Variants in PLEKHH2 observed in about 807,000 individuals in gnomAD.
PLEKHH2 encodes pleckstrin homology domain-containing family H member 2.
Under a neutral mutation model 187.9 loss-of-function variants are expected in PLEKHH2, and 129 were observed. The ratio of observed to expected loss-of-function variants is 0.69; its 90% CI spans 0.59 to 0.79. PLEKHH2 has a LOEUF of 0.79. PLEKHH2 is among the 30% of genes least tolerant of loss of function. The pLI is 0.00. For synonymous variants in PLEKHH2, 686 were observed against 605.6 expected, an observed-to-expected ratio of 1.13 and a Z score of -1.95; for missense variants, 2,076 against 1,751.2, an observed-to-expected ratio of 1.19 and a Z score of -3.31.
chr2:43,656,005 C>A (rs1461346728), intron 2 of PLEKHH2, among the ~76,000 whole-genome samples: 1 of 151,058 alleles, frequency 6.6e-6, no homozygotes, highest in Non-Finnish European at 1.5e-5. Context: ...ATTGCCCAGG[C>A]TGGAGTGCAG....
chr2:43,648,957 T>C lies in PLEKHH2; in HGVS notation c.123+4161T>C, dbSNP rs140450948. Among the ~76,000 whole-genome samples, 1,288 of 152,328 alleles carry C rather than the reference T, an allele frequency of 8.5e-3. 26 individuals are homozygous for C. The highest frequency in any genetic ancestry group is 0.029 in the African/African-American group (1,194 of 41,558). On this transcript the variant is annotated intron_variant, in intron 2 of 29. Coordinates refer to ENST00000282406, the MANE Select transcript of PLEKHH2 (RefSeq NM_172069.4). ...AAATATGTGAGATGATCTAGGTGTT[T>C]TTATAATTAGAGATGAATTTCAATT...
intron 20 of PLEKHH2, 152 bp from the exon 21 acceptor site, chr2:43,740,794 C>G: frequency 7.7e-7 from 1 of 1,296,094 alleles, no homozygotes; most frequent in Non-Finnish European, 9.8e-7. Context: ...TGTTTTTAAC[C>G]TATGATAAAT....
At chr2:43,684,459 G>A (rs992034785) in intron 3 of PLEKHH2, among the ~76,000 whole-genome samples, 2 of 152,010 alleles carry the variant, frequency 1.3e-5, no homozygotes, top group Non-Finnish European at 2.9e-5. Flanking sequence ...CATAATATGT[G>A]GCAAATTTGT....
At chr2:43,717,723 C>G (rs374346084) in intron 15 of PLEKHH2, among the ~76,000 whole-genome samples, 2 of 152,298 alleles carry the variant, frequency 1.3e-5, no homozygotes, top group South Asian at 4.1e-4. Context: ...GGCTCTGCCA[C>G]TTACCACCTG....
chr2:43,655,468 G>C (rs9309104), intron 2 of PLEKHH2, among the ~76,000 whole-genome samples: 85,479 of 151,996 alleles, frequency 0.56, 24,551 homozygotes, highest in Middle Eastern at 0.67. Flanking sequence ...TTCTGGAACA[G>C]AAACCAGCAC....
chr2:43,745,949 G>C lies in PLEKHH2; in HGVS notation c.3639G>C (p.Leu1213=), dbSNP rs1671761029. Residue 1213 remains leucine (L), a synonymous_variant, in exon 24 of 30, where the codon CTG becomes CTC. Transcript: ENST00000282406. ...GTGAAGGTACAAGGACTGTTCGTCT[G>C]ACATACAAAAACAGGTGTGTAATAC... is the stretch of plus-strand genomic sequence containing the variant. ...GKCEGTRTVR[L]TYKNRLYFSV... 2 of 1,608,382 alleles carry C rather than the reference G, an allele frequency of 1.2e-6. No homozygotes were observed. The highest frequency in any genetic ancestry group is 1.7e-6 in the Non-Finnish European group (2 of 1,176,246).
chr2:43,693,610 G>A (rs1305736144), intron 4 of PLEKHH2, among the ~76,000 whole-genome samples: 1 of 151,788 alleles, frequency 6.6e-6, no homozygotes, highest in African/African-American at 2.4e-5. Flanking sequence ...TGTAGTCCCA[G>A]CTACTTGGGA....
intron 2 of PLEKHH2, among the ~76,000 whole-genome samples, chr2:43,672,172 T>C (rs556021302): frequency 2.6e-5 from 4 of 152,338 alleles, no homozygotes; most frequent in African/African-American, 7.2e-5. Context: ...GGGCATGAAG[T>C]ATTTCATAAT....
At chr2:43,762,425 A>G (rs777862781) in intron 28 of PLEKHH2, 35 bp downstream of exon 28, 12 of 1,475,602 alleles carry the variant, frequency 8.1e-6, no homozygotes, top group African/African-American at 2.8e-5. Context: ...CATTAAGTCA[A>G]CTGTTTCCAT....
At position 43,683,647 on chromosome 2, in the gene PLEKHH2, C is replaced by T. The variant is rs555322984; in HGVS notation, c.186+4722C>T. Among the ~76,000 whole-genome samples, 25 of 152,162 alleles carry T rather than the reference C, an allele frequency of 1.6e-4. No homozygotes were observed. In the South Asian group the frequency reaches 5.2e-3, roughly 32 times the overall value. On this transcript the variant is annotated intron_variant, in intron 3 of 29. Transcript: ENST00000282406. ...TACCTATGATGTGATTTAACAAGCT[C>T]CTCTTCCCCTATATTTCCTGTAAAA...
chr2:43,699,255 A>G (rs564336291), intron 7 of PLEKHH2, among the ~76,000 whole-genome samples: 2 of 152,084 alleles, frequency 1.3e-5, no homozygotes, highest in South Asian at 4.1e-4. Context: ...TTTGGAAACT[A>G]TTATATTGAC....
chr2:43,681,706 C>T, intron 3 of PLEKHH2: 2 of 527,204 alleles, frequency 3.8e-6, no homozygotes, highest in Non-Finnish European at 3.3e-6. Flanking sequence ...CACTGAGGGC[C>T]AGGCAAGGGA....
chr2:43,707,127 C>T (rs958065562), intron 10 of PLEKHH2, among the ~76,000 whole-genome samples: 5 of 134,186 alleles, frequency 3.7e-5, no homozygotes, highest in South Asian at 2.5e-4. Context: ...ACCTGGGAGG[C>T]GGAGGTTGCA....
intron 2 of PLEKHH2, among the ~76,000 whole-genome samples, chr2:43,677,205 T>TG (rs1224133643): frequency 7.1e-6 from 1 of 140,328 alleles, no homozygotes; most frequent in Admixed American, 7.1e-5. Flanking sequence ...CTTTATGAGT[T>TG]TTTTTTTTTT....
intron 24 of PLEKHH2, among the ~76,000 whole-genome samples, chr2:43,753,073 T>A (rs958177677): frequency 6.6e-6 from 1 of 152,218 alleles, no homozygotes; most frequent in Non-Finnish European, 1.5e-5. Context: ...GTCCAAGGTA[T>A]TCAGGAAGGA....
intron 3 of PLEKHH2, among the ~76,000 whole-genome samples, chr2:43,684,639 A>G (rs1251491068): frequency 6.6e-6 from 1 of 152,080 alleles, no homozygotes; most frequent in Non-Finnish European, 1.5e-5. Context: ...AGCAAACCAC[A>G]GAGGTTTGTT....
At chr2:43,700,691 C>T (rs576687175) in intron 8 of PLEKHH2, 83 bp downstream of exon 8, 110 of 1,485,174 alleles carry the variant, frequency 7.4e-5, no homozygotes, top group Non-Finnish European at 9.6e-5. Flanking sequence ...CTCGCTCTGT[C>T]GCCCAAGCTG....
chr2:43,718,454 C>T (rs1558554527), intron 15 of PLEKHH2, among the ~76,000 whole-genome samples: 1 of 151,922 alleles, frequency 6.6e-6, no homozygotes, highest in Non-Finnish European at 1.5e-5. Flanking sequence ...AGGAGAATCA[C>T]TTGAACCCAG....
Position 43,745,945 on chromosome 2 carries a change from G to A in PLEKHH2, c.3635G>A (p.Arg1212His), listed in dbSNP as rs763985622. The A allele has an allele frequency of 3.5e-5, 57 of 1,609,110 alleles. No homozygotes were observed. Among genetic ancestry groups the A allele is most frequent in the Middle Eastern group, 1.6e-4 (1 of 6,072 alleles). Residue 1212 changes from arginine (R) to histidine (H), a missense_variant, in exon 24 of 30, where the codon CGT (arginine) becomes CAT (histidine). Arg to His is a conservative substitution (Grantham distance 29). Transcript: ENST00000282406. ...AAATGTGAAGGTACAAGGACTGTTC[G>A]TCTGACATACAAAAACAGGTGTGTA... Reference protein sequence around the residue: ...PGKCEGTRTVRLTYKNRLYFS... With the variant: ...PGKCEGTRTVHLTYKNRLYFS...
Sources: allele counts gnomAD v4.1 joint callset (sites outside exome capture counted in the v4.1 genomes callset), GRCh38; gene constraint gnomAD v4.1.1; transcripts MANE v1.5; gene names NCBI Gene and HGNC (gene_info 2026-07-23, HGNC 2026-07-21).